ELP4: variants seen among roughly 807,000 people sequenced by gnomAD.
The protein encoded by ELP4 is elongator acetyltransferase complex subunit 4, also known as elongator complex protein 4.
A neutral mutation model predicts 48.9 loss-of-function variants in ELP4; 51 were observed. That is an observed-to-expected ratio of 1.04 (90% CI 0.83 to 1.32). ELP4 has a LOEUF of 1.32. ELP4 is among the 40% of genes most tolerant of loss of function. ELP4 has a pLI of 0.00. For synonymous variants in ELP4, 210 were observed against 189.2 expected (o/e 1.11, Z -0.90); for missense variants, 519 against 514.6 (o/e 1.01, Z -0.08).
At chr11:31,514,817 T>G (rs1398774669) in intron 1 of ELP4, among the ~76,000 whole-genome samples, 1 of 152,094 alleles carries the variant, frequency 6.6e-6, no homozygotes, top group East Asian at 1.9e-4. Context: ...TTTATTTATT[T>G]ATTTTTTGGT....
chr11:31,554,611 C>A (rs1956901274), intron 3 of ELP4, among the ~76,000 whole-genome samples: 1 of 152,042 alleles, frequency 6.6e-6, no homozygotes, highest in Admixed American at 6.6e-5. Flanking sequence ...ACTGTTTTAG[C>A]AAATTTTAAA....
At chr11:31,585,737 G>A (rs1957461430) in intron 3 of ELP4, among the ~76,000 whole-genome samples, 1 of 152,194 alleles carries the variant, frequency 6.6e-6, no homozygotes, top group African/African-American at 2.4e-5. Context: ...TCATTACCCA[G>A]TAAATTAGCA....
intron 5 of ELP4, among the ~76,000 whole-genome samples, chr11:31,604,145 T>G (rs1483603050): frequency 6.6e-6 from 1 of 151,746 alleles, no homozygotes; most frequent in Admixed American, 6.6e-5. Flanking sequence ...ATTTGCAACT[T>G]GAAAAATCAG....
intron 3 of ELP4, among the ~76,000 whole-genome samples, chr11:31,550,114 T>C: frequency 6.6e-6 from 1 of 151,876 alleles, no homozygotes; most frequent in East Asian, 1.9e-4. Context: ...ACATGTACCC[T>C]AAAACTTAAA....
At chr11:31,776,633 A>C (rs1565150263) in intron 9 of ELP4, among the ~76,000 whole-genome samples, 1 of 152,222 alleles carries the variant, frequency 6.6e-6, no homozygotes, top group Non-Finnish European at 1.5e-5. Context: ...TTTGGAGGCA[A>C]GACAATACTG....
At position 31,603,932 on chromosome 11, in the gene ELP4, C is replaced by G. The variant is rs754993143; in HGVS notation, c.653+25C>G. The G allele has an allele frequency of 2.5e-6, 4 of 1,593,698 alleles. No individual in the cohort carries two copies. In the South Asian group the frequency reaches 3.4e-5, roughly 13 times the overall value. ...GGTAAGTTAATGACCCATTTAATAA[C>G]AAAATCTGATTTCAAATATTAGTAG... On this transcript the variant is annotated intron_variant, in intron 5 of 9. Coordinates refer to ENST00000640961, the MANE Select transcript of ELP4 (RefSeq NM_019040.5).
intron 9 of ELP4, among the ~76,000 whole-genome samples, chr11:31,704,220 C>T (rs917122474): frequency 6.6e-6 from 1 of 151,284 alleles, no homozygotes; most frequent in African/African-American, 2.4e-5. Flanking sequence ...AAAAACTTCT[C>T]AGCAACTAAA....
At position 31,788,039 on chromosome 11, in the gene ELP4, T is replaced by C; in HGVS notation, c.*4515T>C. The C allele has an allele frequency of 4.5e-6, 1 of 222,822 alleles. No homozygotes were observed. The highest frequency in any genetic ancestry group is 9.0e-6 in the Non-Finnish European group (1 of 111,390). 13.8% of individuals were successfully genotyped at this position (222,822 alleles called of 1,614,324 possible). A position where few individuals can be genotyped will look rare whatever the true frequency, so the allele number is the denominator to read the frequency against. On this transcript the variant is annotated 3_prime_UTR_variant, in exon 10 of 10. Transcript: ENST00000640961. ...GTTTGCAGAGGAAGACTTATCTGTA[T>C]TGACTTATATGTTGCACAGAACAAA... is the stretch of plus-strand genomic sequence containing the variant.
chr11:31,563,380 T>A (rs973729289), intron 3 of ELP4, among the ~76,000 whole-genome samples: 1 of 152,122 alleles, frequency 6.6e-6, no homozygotes, highest in African/African-American at 2.4e-5. Flanking sequence ...AGGGTCAAAC[T>A]GTTAGAATCA....
chr11:31,655,522 A>G (rs1006147397), intron 9 of ELP4, among the ~76,000 whole-genome samples: 2 of 151,956 alleles, frequency 1.3e-5, no homozygotes, highest in Admixed American at 1.3e-4. Flanking sequence ...CCTAGTTCCC[A>G]CTGTTGTTTT....
At chr11:31,658,955 A>C (rs1945496747) in intron 9 of ELP4, among the ~76,000 whole-genome samples, 1 of 152,046 alleles carries the variant, frequency 6.6e-6, no homozygotes, top group African/African-American at 2.4e-5. Flanking sequence ...TCTTTAATCA[A>C]AATTAAGCAA....
chr11:31,603,809 T>A lies in ELP4; in HGVS notation c.555T>A (p.Asp185Glu). 1 of 1,611,300 alleles carries A rather than the reference T, an allele frequency of 6.2e-7. No homozygotes were observed. The change falls in exon 5 of 10, where the codon GAT becomes GAA. Residue 185 changes from aspartate to glutamate, a missense_variant. Transcript: ENST00000640961. ...CTTCAAGATTTGGTCACTATTATGA[T>A]GCATCAAAAAGAATGCCACAAGAAC... Reference protein sequence around the residue: ...VSSSRFGHYYDASKRMPQELI... With the variant: ...VSSSRFGHYYEASKRMPQELI...
chr11:31,716,645 A>G (rs539206428), intron 9 of ELP4, among the ~76,000 whole-genome samples: 2 of 152,318 alleles, frequency 1.3e-5, no homozygotes, highest in Non-Finnish European at 2.9e-5. Context: ...TCCCATTGCA[A>G]TATAGATGAT....
At chr11:31,537,165 A>G (rs1956514509) in intron 2 of ELP4, among the ~76,000 whole-genome samples, 1 of 152,178 alleles carries the variant, frequency 6.6e-6, no homozygotes, top group South Asian at 2.1e-4. Flanking sequence ...AAGAGGTAAG[A>G]TGGAGGTTTT....
chr11:31,636,700 T>C (rs907098744), intron 7 of ELP4, among the ~76,000 whole-genome samples: 1 of 152,028 alleles, frequency 6.6e-6, no homozygotes, highest in African/African-American at 2.4e-5. Flanking sequence ...TTAATTTGCA[T>C]TTGAAATGTT....
intron 3 of ELP4, among the ~76,000 whole-genome samples, chr11:31,557,093 A>C (rs1185105852): frequency 1.3e-5 from 2 of 151,968 alleles, no homozygotes; most frequent in Non-Finnish European, 2.9e-5. Flanking sequence ...TATTTTATGA[A>C]TTGATGCAGC....
chr11:31,650,670 A>AT, intron 9 of ELP4: 1 of 152,390 alleles, frequency 6.6e-6, no homozygotes, highest in African/African-American at 2.4e-5. Flanking sequence ...GGAACTAAAC[A>AT]AATTATAATT....
At chr11:31,631,865 G>C (rs1481841349) in intron 6 of ELP4, among the ~76,000 whole-genome samples, 1 of 151,908 alleles carries the variant, frequency 6.6e-6, no homozygotes, top group African/African-American at 2.4e-5. Context: ...TACTGAGAAG[G>C]GGTTTGCAAG....
chr11:31,784,548 T>G lies in ELP4; in HGVS notation c.*1024T>G, dbSNP rs1948458768. ...TAACTTGCATATTTAAGAGTCTTGA[T>G]TTTTTAAAAGGTGTTTAACATCCAT... On this transcript the variant is annotated 3_prime_UTR_variant, in exon 10 of 10. Coordinates refer to ENST00000640961, the MANE Select transcript of ELP4 (RefSeq NM_019040.5). The G allele has an allele frequency of 6.6e-6, 1 of 152,188 alleles. No homozygotes were observed. The allele number at this position is 152,188 out of a possible 1,614,324, so 9.4% of individuals were successfully genotyped here.
Sources: allele counts gnomAD v4.1 joint callset (sites outside exome capture counted in the v4.1 genomes callset), GRCh38; gene constraint gnomAD v4.1.1; transcripts MANE v1.5; gene names NCBI Gene and HGNC (gene_info 2026-07-23, HGNC 2026-07-21).